The following TTC8 variants were observed in gnomAD, a reference collection of about 807,000 sequenced individuals.
TTC8 encodes tetratricopeptide repeat domain 8, also known as tetratricopeptide repeat protein 8.
Under a neutral mutation model 72.5 loss-of-function variants are expected in TTC8, and 47 were observed. That is an observed-to-expected ratio of 0.65 (90% confidence interval 0.51 to 0.83). TTC8 has a LOEUF of 0.83. Among genes scored for constraint, TTC8 ranks in the 40% least tolerant of loss-of-function variants. TTC8 has a pLI of 0.00. For missense variants in TTC8, 611 were observed against 623.2 expected (o/e 0.98, Z 0.21); for synonymous variants, 199 against 221.4 (o/e 0.90, Z 0.90).
At chr14:88,843,697 A>C in intron 6 of TTC8, 109 bp from the exon 7 acceptor site, 2 of 714,234 alleles carry the variant, frequency 2.8e-6, no homozygotes, top group South Asian at 3.7e-5. Flanking sequence ...GATAGTAACA[A>C]AAGATGGATA....
chr14:88,844,878 CCACTAGCTATA>C (rs1470347929), intron 7 of TTC8, among the ~76,000 whole-genome samples: 1 of 152,072 alleles, frequency 6.6e-6, no homozygotes, highest in Admixed American at 6.6e-5. Flanking sequence ...TATGTGTCAA[CCACTAGCTATA>C]CACTAGGAGA....
chr14:88,861,769 A>G (rs1328486886), intron 10 of TTC8, among the ~76,000 whole-genome samples: 3 of 152,104 alleles, frequency 2.0e-5, no homozygotes, highest in Non-Finnish European at 4.4e-5. Flanking sequence ...ATTTCACTTA[A>G]CATAATGACT....
chr14:88,867,137 G>T (rs968181131), intron 10 of TTC8, among the ~76,000 whole-genome samples: 3 of 152,102 alleles, frequency 2.0e-5, no homozygotes, highest in Admixed American at 1.3e-4. Flanking sequence ...AATTATTGAT[G>T]ATATTTTAAA....
At chr14:88,828,143 T>C (rs1336800806) in intron 1 of TTC8, among the ~76,000 whole-genome samples, 1 of 152,236 alleles carries the variant, frequency 6.6e-6, no homozygotes, top group Non-Finnish European at 1.5e-5. Flanking sequence ...CAAATAAATA[T>C]AATTTCATTA....
At chr14:88,877,085 A>G (rs2094960284) in intron 14 of TTC8, among the ~76,000 whole-genome samples, 1 of 152,180 alleles carries the variant, frequency 6.6e-6, no homozygotes, top group South Asian at 2.1e-4. Context: ...ATTATAATCT[A>G]GAATTCTAAA....
upstream of TTC8, among the ~76,000 whole-genome samples, chr14:88,824,397 TG>T (rs1432187000): frequency 6.6e-6 from 1 of 151,978 alleles, no homozygotes; most frequent in Non-Finnish European, 1.5e-5. Context: ...CCTGGGAGGG[TG>T]GGGGACCCCA....
In TTC8 at chr14:88,871,690, T is replaced by C; in HGVS notation, c.1191T>C (p.Ala397=). 1 of 1,614,162 alleles carries C rather than the reference T, an allele frequency of 6.2e-7. No individual in the cohort carries two copies. The highest frequency in any genetic ancestry group is 8.5e-7 in the Non-Finnish European group (1 of 1,180,006). ...TGGCTGAAAATGAAGAAGAGGCAGC[T>C]GATGTCTGGTACAACTTGGGACATG... is the stretch of plus-strand genomic sequence containing the variant. ...LSLAENEEEA[A]DVWYNLGHVA... Residue 397 remains alanine (A), a synonymous_variant, in exon 12 of 15, where the codon GCT becomes GCC. Transcript: ENST00000380656. The surrounding 1 kb of genome is among the most constrained non-coding windows in gnomAD (Gnocchi z 4.1).
At chr14:88,859,851 T>A (rs1484668373) in intron 9 of TTC8, among the ~76,000 whole-genome samples, 2 of 144,180 alleles carry the variant, frequency 1.4e-5, no homozygotes, top group African/African-American at 2.5e-5. Flanking sequence ...AATATAAATA[T>A]ATAATCATAT....
chr14:88,866,740 C>T (rs139872020), intron 10 of TTC8, among the ~76,000 whole-genome samples: 34 of 152,260 alleles, frequency 2.2e-4, no homozygotes, highest in African/African-American at 6.3e-4. Context: ...AACATCAACA[C>T]GGGCTCTTTT....
chr14:88,840,004 G>A (rs1019119556), intron 3 of TTC8, among the ~76,000 whole-genome samples: 7 of 152,114 alleles, frequency 4.6e-5, no homozygotes, highest in Admixed American at 1.3e-4. Context: ...AAAAAAGGTC[G>A]TTCGAAAACA....
chr14:88,868,422 C>G (rs908311308), intron 10 of TTC8, among the ~76,000 whole-genome samples: 17 of 152,082 alleles, frequency 1.1e-4, no homozygotes, highest in African/African-American at 3.9e-4. Context: ...GTTTGAGAAC[C>G]TCTGTTCTAA....
rs2094717558 is a variant in TTC8, at chr14:88,829,705, TGAGAGATGTTACA to T, written c.115-3982_115-3970del. Among the ~76,000 whole-genome samples, 3 of 152,300 alleles carry T rather than the reference TGAGAGATGTTACA, an allele frequency of 2.0e-5. 1 individual carries two copies. Among genetic ancestry groups the T allele is most frequent in the African/African-American group, 7.2e-5 (3 of 41,554 alleles). On this transcript the variant is annotated intron_variant, in intron 1 of 14. Coordinates refer to ENST00000380656, the MANE Select transcript of TTC8 (RefSeq NM_144596.4). ...GTTTTGCCCCAATCTCTGCTTATAA[TGAGAGATGTTACA>T]GAGAGGAGGGGGTTATTATTGTAAA...
At chr14:88,859,861 T>TATAATATAAATATATTTATATTATATA (rs2094876255) in intron 9 of TTC8, among the ~76,000 whole-genome samples, 1 of 144,096 alleles carries the variant, frequency 6.9e-6, no homozygotes, top group Non-Finnish European at 1.5e-5. Flanking sequence ...TATAATCATA[T>TATAATATAAATATATTTATATTATATA]ATAATATAAA....
chr14:88,846,317 ACT>A (rs1383787415), intron 7 of TTC8, among the ~76,000 whole-genome samples: 1 of 151,896 alleles, frequency 6.6e-6, no homozygotes, highest in East Asian at 1.9e-4. Flanking sequence ...ACAGGGTGAA[ACT>A]CTGTCTCAAA....
chr14:88,877,612 T>C lies in TTC8; in HGVS notation c.*202T>C. 2 of 462,314 alleles carry C rather than the reference T, an allele frequency of 4.3e-6. No homozygotes were observed. The highest frequency in any genetic ancestry group is 3.5e-5 in the Admixed American group (1 of 28,436). 28.6% of individuals were successfully genotyped at this position (462,314 alleles called of 1,614,324 possible). On this transcript the variant is annotated 3_prime_UTR_variant, in exon 15 of 15. Coordinates refer to ENST00000380656, the MANE Select transcript of TTC8 (RefSeq NM_144596.4). ...ATAGTAACTTTATAAAATAATATTA[T>C]AAAATACAGGATTTAAACCTTTCTA... is the stretch of plus-strand genomic sequence containing the variant.
chr14:88,830,182 T>C (rs1268547880), intron 1 of TTC8, among the ~76,000 whole-genome samples: 1 of 152,228 alleles, frequency 6.6e-6, no homozygotes, highest in Non-Finnish European at 1.5e-5. Flanking sequence ...GAAAGTTGCA[T>C]TCAGAATTAT....
At position 88,853,048 on chromosome 14, in the gene TTC8, T is replaced by C; in HGVS notation, c.702T>C (p.Cys234=). The part of the protein sequence containing the change: ...DWWWKVQIGK[C]YYRLGMYREA... The stretch of plus-strand genomic sequence containing the variant: ...GGTGGAAAGTACAGATTGGAAAATG[T>C]TACTACAGGTAAATTTCATTATTTG... Residue 234 remains cysteine, a synonymous_variant, in exon 8 of 15, where the codon TGT becomes TGC. Transcript: ENST00000380656. The C allele has an allele frequency of 1.2e-6, 2 of 1,612,144 alleles. No homozygotes were observed. Among genetic ancestry groups the C allele is most frequent in the Non-Finnish European group, 1.7e-6 (2 of 1,178,466 alleles).
At chr14:88,849,206 C>A (rs761119225) in intron 7 of TTC8, among the ~76,000 whole-genome samples, 6 of 152,032 alleles carry the variant, frequency 3.9e-5, no homozygotes, top group Non-Finnish European at 8.8e-5. Flanking sequence ...CTGAGTTGGA[C>A]AGATGTCTTG....
chr14:88,866,455 A>G (rs559965430), intron 10 of TTC8, among the ~76,000 whole-genome samples: 1 of 151,986 alleles, frequency 6.6e-6, no homozygotes, highest in South Asian at 2.1e-4. Flanking sequence ...GAATGTAAAC[A>G]TGGAAACGAG....
Sources: allele counts gnomAD v4.1 joint callset (sites outside exome capture counted in the v4.1 genomes callset), GRCh38; gene constraint gnomAD v4.1.1; non-coding constraint Gnocchi (gnomAD v3.1); transcripts MANE v1.5; gene names NCBI Gene and HGNC (gene_info 2026-07-23, HGNC 2026-07-21).